ANKS1B: variants seen among roughly 807,000 people sequenced by gnomAD.
ANKS1B encodes the protein ankyrin repeat and sterile alpha motif domain containing 1B.
Under a neutral mutation model 148.3 loss-of-function variants are expected in ANKS1B, and 36 were observed. The ratio of observed to expected loss-of-function variants is 0.24; its 90% CI spans 0.19 to 0.32. The LOEUF (loss-of-function observed/expected upper bound fraction) is 0.32, where lower values mean the gene tolerates loss of function less well. Among genes scored for constraint, ANKS1B ranks in the 10% least tolerant of loss-of-function variants. The probability of loss-of-function intolerance (pLI) is 1.00; values close to 1 mark genes in which losing one functional copy is unlikely to be tolerated. For synonymous variants in ANKS1B, 542 were observed against 560.8 expected, an observed-to-expected ratio of 0.97 and a Z score of 0.47; for missense variants, 1,157 against 1,542.6, an observed-to-expected ratio of 0.75 and a Z score of 4.19.
At chr12:98,957,415 T>A (rs138993938) in intron 17 of ANKS1B, among the ~76,000 whole-genome samples, 3,167 of 151,958 alleles carry the variant, frequency 0.021, 117 homozygotes, top group African/African-American at 0.072. Flanking sequence ...TGGCGTGATC[T>A]CGGTTCACTG....
Position 99,636,376 on chromosome 12 carries a change from G to A in ANKS1B, c.1272+18691C>T, listed in dbSNP as rs1446727485. ...TGTTTTGTATATGCTTCTGTTTAAAGACAACTTATTTAACATATATTGTTG... is the reference window on the plus strand; with the variant it reads ...TGTTTTGTATATGCTTCTGTTTAAAAACAACTTATTTAACATATATTGTTG... On this transcript the variant is annotated intron_variant, in intron 9 of 26. Transcript: ENST00000683438. 2.0e-5 allele frequency among the ~76,000 whole-genome samples: 3 copies of A among 152,186 alleles called. No homozygotes were observed. In the East Asian group the frequency reaches 5.8e-4, roughly 29 times the overall value.
chr12:99,308,927 CAT>C (rs768577759), intron 12 of ANKS1B, among the ~76,000 whole-genome samples: 10 of 149,028 alleles, frequency 6.7e-5, no homozygotes, highest in East Asian at 1.9e-4. Context: ...CTATATATAA[CAT>C]ATATGTTACC....
At chr12:99,703,235 T>A (rs1383958079) in intron 8 of ANKS1B, among the ~76,000 whole-genome samples, 1 of 152,112 alleles carries the variant, frequency 6.6e-6, no homozygotes. Flanking sequence ...ATTGTTGAGA[T>A]GGCATAAAGT....
intron 9 of ANKS1B, among the ~76,000 whole-genome samples, chr12:99,554,263 C>G (rs2097253768): frequency 6.6e-6 from 1 of 152,170 alleles, no homozygotes; most frequent in South Asian, 2.1e-4. Context: ...GTGGAAGGTA[C>G]AGTTATATAT....
intron 14 of ANKS1B, among the ~76,000 whole-genome samples, chr12:99,156,745 C>A (rs770282018): frequency 8.5e-5 from 13 of 152,152 alleles, no homozygotes; most frequent in Non-Finnish European, 1.8e-4. Flanking sequence ...CATTTTTAGA[C>A]CCTCTATTGT....
At chr12:99,176,976 T>C (rs1227565569) in intron 14 of ANKS1B, among the ~76,000 whole-genome samples, 2 of 152,200 alleles carry the variant, frequency 1.3e-5, no homozygotes, top group Non-Finnish European at 2.9e-5. Context: ...AATATACTGA[T>C]AGACTCTGAA....
intron 9 of ANKS1B, among the ~76,000 whole-genome samples, chr12:99,573,926 T>C (rs1331361137): frequency 6.6e-6 from 1 of 152,072 alleles, no homozygotes; most frequent in African/African-American, 2.4e-5. Flanking sequence ...AATTTCTCTT[T>C]TTTATCATTT....
chr12:98,997,230 C>T (rs542384618), intron 17 of ANKS1B, among the ~76,000 whole-genome samples: 1 of 152,224 alleles, frequency 6.6e-6, no homozygotes, highest in Non-Finnish European at 1.5e-5. Flanking sequence ...AAAAGGTTAT[C>T]TCTTTCACTG....
chr12:98,848,881 G>A (rs1211434713), intron 17 of ANKS1B, among the ~76,000 whole-genome samples: 1 of 151,900 alleles, frequency 6.6e-6, no homozygotes, highest in Non-Finnish European at 1.5e-5. Flanking sequence ...TGGGATTATA[G>A]GCGCCTGCCA....
In ANKS1B at chr12:99,102,611, G is replaced by T. The variant is rs557221840; in HGVS notation, c.2527-17588C>A. Among the ~76,000 whole-genome samples, 5 of 152,334 alleles carry T rather than the reference G, an allele frequency of 3.3e-5. No homozygotes were observed. In the East Asian group the frequency reaches 9.7e-4, roughly 29 times the overall value. ...ATAAAAAAGTTAGCTGGGCATGGTGGCATGCACCTGTAGTCCCGGCTACTC... is the reference window on the plus strand; with the variant it reads ...ATAAAAAAGTTAGCTGGGCATGGTGTCATGCACCTGTAGTCCCGGCTACTC... On this transcript the variant is annotated intron_variant, in intron 15 of 26. Transcript: ENST00000683438.
At chr12:98,739,273 A>C (rs1383515769), downstream of ANKS1B, among the ~76,000 whole-genome samples, 1 of 152,070 alleles carries the variant, frequency 6.6e-6, no homozygotes, top group Non-Finnish European at 1.5e-5. Context: ...ATGCATCACT[A>C]CTAAGCTCTC....
chr12:99,512,885 C>A (rs956618709), intron 9 of ANKS1B, among the ~76,000 whole-genome samples: 81 of 151,838 alleles, frequency 5.3e-4, no homozygotes, highest in African/African-American at 1.9e-3. Context: ...GAAAAACACA[C>A]ACTGGGGCCT....
At chr12:99,786,881 A>T (rs919537088) in intron 4 of ANKS1B, among the ~76,000 whole-genome samples, 9 of 152,236 alleles carry the variant, frequency 5.9e-5, no homozygotes, top group Non-Finnish European at 1.2e-4. Context: ...ATTAGTAAAT[A>T]AAAATACAAA....
intron 9 of ANKS1B, among the ~76,000 whole-genome samples, chr12:99,512,851 T>C (rs2096780094): frequency 6.6e-6 from 1 of 151,680 alleles, no homozygotes; most frequent in Admixed American, 6.6e-5. Flanking sequence ...AGCTGAACAA[T>C]GAGAACACAT....
At chr12:99,175,912 T>C (rs1601413529) in intron 14 of ANKS1B, among the ~76,000 whole-genome samples, 1 of 152,330 alleles carries the variant, frequency 6.6e-6, no homozygotes, top group East Asian at 1.9e-4. Context: ...AGTAGCATGA[T>C]CTCCATTGAC....
intron 6 of ANKS1B, among the ~76,000 whole-genome samples, chr12:99,777,699 C>T (rs1031054392): frequency 6.6e-6 from 1 of 152,034 alleles, no homozygotes; most frequent in African/African-American, 2.4e-5. Flanking sequence ...ATTCTCCTGC[C>T]TCAGCCTCCC....
chr12:99,137,043 G>T (rs1051232215), intron 15 of ANKS1B, among the ~76,000 whole-genome samples: 1 of 152,130 alleles, frequency 6.6e-6, no homozygotes, highest in African/African-American at 2.4e-5. Context: ...GTGCTTTCAA[G>T]GACACAAGAG....
intron 17 of ANKS1B, among the ~76,000 whole-genome samples, chr12:98,855,852 A>C (rs1183772212): frequency 6.6e-6 from 1 of 152,176 alleles, no homozygotes; most frequent in East Asian, 1.9e-4. Flanking sequence ...TGTCATACAA[A>C]CTTTGTGTCT....
At chr12:99,600,430 A>G (rs1306352025) in intron 9 of ANKS1B, among the ~76,000 whole-genome samples, 1 of 152,002 alleles carries the variant, frequency 6.6e-6, no homozygotes, top group Non-Finnish European at 1.5e-5. Context: ...CGAAGGGAAG[A>G]AAGAGATTAT....
Sources: allele counts gnomAD v4.1 joint callset (sites outside exome capture counted in the v4.1 genomes callset), GRCh38; gene constraint gnomAD v4.1.1; transcripts MANE v1.5; gene names NCBI Gene and HGNC (gene_info 2026-07-23, HGNC 2026-07-21).